Variants in PPFIA2 observed in about 807,000 individuals in gnomAD.
The protein encoded by PPFIA2 is liprin-alpha-2.
In PPFIA2, 46 loss-of-function variants were observed where a neutral mutation model predicts 175.5. The ratio of observed to expected loss-of-function variants is 0.26; its 90% CI spans 0.21 to 0.34. The LOEUF is 0.34. Among genes scored for constraint, PPFIA2 ranks in the 10% least tolerant of loss-of-function variants. The pLI is 1.00. For synonymous variants in PPFIA2, 568 were observed against 511.4 expected, an observed-to-expected ratio of 1.11 and a Z score of -1.49; for missense variants, 1,179 against 1,506.1, an observed-to-expected ratio of 0.78 and a Z score of 3.60.
chr12:81,301,131 G>A (rs563595086), intron 22 of PPFIA2, among the ~76,000 whole-genome samples: 5 of 152,074 alleles, frequency 3.3e-5, no homozygotes, highest in African/African-American at 1.2e-4. Context: ...GGCTTCGAAG[G>A]GCAGGTAGGA....
chr12:81,637,311 T>A (rs1333603066), intron 4 of PPFIA2, among the ~76,000 whole-genome samples: 3 of 126,308 alleles, frequency 2.4e-5, no homozygotes, highest in Non-Finnish European at 1.6e-5. Context: ...TCTATGTTGG[T>A]CAGGCTGGTC....
chr12:81,625,010 G>A (rs4387433), intron 4 of PPFIA2, among the ~76,000 whole-genome samples: 79,093 of 151,436 alleles, frequency 0.52, 21,521 homozygotes, highest in Middle Eastern at 0.61. Context: ...TACATACATT[G>A]CTAAAAATGT....
intron 4 of PPFIA2, among the ~76,000 whole-genome samples, chr12:81,585,887 G>A (rs1391196214): frequency 1.3e-5 from 2 of 151,848 alleles, no homozygotes; most frequent in Non-Finnish European, 2.9e-5. Context: ...TTGCAGCATA[G>A]TAGGTTTGTT....
At chr12:81,698,121 T>C (rs2076094939) in intron 3 of PPFIA2, among the ~76,000 whole-genome samples, 1 of 152,150 alleles carries the variant, frequency 6.6e-6, no homozygotes, top group Non-Finnish European at 1.5e-5. Context: ...TGAGAATTTC[T>C]GATTCGATAG....
chr12:81,380,449 C>T (rs573782921), intron 9 of PPFIA2, among the ~76,000 whole-genome samples: 163 of 151,832 alleles, frequency 1.1e-3, no homozygotes, highest in Middle Eastern at 3.4e-3. Context: ...GACCATAACC[C>T]GGAAAAATAT....
intron 4 of PPFIA2, among the ~76,000 whole-genome samples, chr12:81,605,419 GGAGAGGA>G (rs2153460428): frequency 6.6e-6 from 1 of 151,804 alleles, no homozygotes; most frequent in Non-Finnish European, 1.5e-5. Flanking sequence ...GAGAGAAAAG[GGAGAGGA>G]GAGAGGAGGC....
At chr12:81,624,711 G>C (rs1432864833) in intron 4 of PPFIA2, among the ~76,000 whole-genome samples, 2 of 150,090 alleles carry the variant, frequency 1.3e-5, no homozygotes, top group African/African-American at 4.9e-5. Flanking sequence ...ATTATTCTAA[G>C]TGAAGTAACA....
intron 4 of PPFIA2, among the ~76,000 whole-genome samples, chr12:81,513,876 T>A (rs1594293365): frequency 6.6e-6 from 1 of 152,006 alleles, no homozygotes; most frequent in East Asian, 1.9e-4. Context: ...CTATGACATT[T>A]AAATGGCAAT....
At chr12:81,705,220 C>T (rs914349299) in intron 3 of PPFIA2, among the ~76,000 whole-genome samples, 3 of 150,252 alleles carry the variant, frequency 2.0e-5, no homozygotes, top group East Asian at 2.0e-4. Flanking sequence ...GAGGCCGAGG[C>T]GGGCAGATCA....
chr12:81,720,139 A>C (rs1246260758), intron 3 of PPFIA2, among the ~76,000 whole-genome samples: 1 of 151,480 alleles, frequency 6.6e-6, no homozygotes, highest in African/African-American at 2.4e-5. Context: ...TAATTGGTGA[A>C]GAAGCATGGC....
intron 17 of PPFIA2, among the ~76,000 whole-genome samples, chr12:81,348,504 G>C (rs775873777): frequency 8.5e-5 from 13 of 152,114 alleles, no homozygotes; most frequent in Non-Finnish European, 1.8e-4. Flanking sequence ...TTGGGAGGCC[G>C]AGATGGGTGG....
chr12:81,345,429 T>G (rs2058890827), intron 18 of PPFIA2, among the ~76,000 whole-genome samples: 1 of 152,068 alleles, frequency 6.6e-6, no homozygotes, highest in African/African-American at 2.4e-5. Flanking sequence ...ATTCCACTGA[T>G]TTATTTATTA....
chr12:81,534,924 GGAT>G (rs565022529), intron 4 of PPFIA2, among the ~76,000 whole-genome samples: 83 of 151,762 alleles, frequency 5.5e-4, no homozygotes, highest in African/African-American at 1.8e-3. Context: ...TTGGAGAAAT[GGAT>G]AATTAGGGGG....
chr12:81,369,847 G>A (rs1245794232), intron 11 of PPFIA2, among the ~76,000 whole-genome samples: 2 of 151,768 alleles, frequency 1.3e-5, no homozygotes, highest in African/African-American at 4.8e-5. Context: ...AGAATTTTAT[G>A]TGGAAAGAAC....
In PPFIA2 at chr12:81,639,173, T is replaced by A. The variant is rs202044493; in HGVS notation, c.303+37618A>T. 2.0e-5 allele frequency among the ~76,000 whole-genome samples: 3 copies of A among 152,242 alleles called. No homozygotes were observed. In the East Asian group the frequency reaches 5.8e-4, roughly 29 times the overall value. On this transcript the variant is annotated intron_variant, in intron 4 of 32. Coordinates refer to ENST00000549396, the MANE Select transcript of PPFIA2 (RefSeq NM_003625.5). ...GTAATCTTGTTCATCACTCAGTATC[T>A]CTCTCATGAAGAAACAAAATAAAAC...
In PPFIA2 at chr12:81,758,523, G is replaced by A; in HGVS notation, c.-110-16C>T. On this transcript the variant is annotated splice_polypyrimidine_tract_variant and intron_variant, in intron 1 of 32. Transcript: ENST00000549396. ...GACCATTTCCCTAGCAACGGGAGGA[G>A]AAAGGCAGCTCAGACACACGCGTGC... is the stretch of plus-strand genomic sequence containing the variant. The A allele has an allele frequency of 2.3e-6, 1 of 442,884 alleles. No homozygotes were observed. The highest frequency in any genetic ancestry group is 1.6e-5 in the South Asian group (1 of 63,070). 27.4% of individuals were successfully genotyped at this position (442,884 alleles called of 1,614,324 possible).
chr12:81,285,074 A>G (rs561453738), intron 24 of PPFIA2, among the ~76,000 whole-genome samples: 2 of 152,302 alleles, frequency 1.3e-5, no homozygotes, highest in African/African-American at 4.8e-5. Context: ...GCAATATTCT[A>G]TTATAAAGTC....
At chr12:81,456,252 G>A (rs1285699064) in intron 5 of PPFIA2, among the ~76,000 whole-genome samples, 5 of 152,082 alleles carry the variant, frequency 3.3e-5, no homozygotes. Context: ...ATATAGAGAG[G>A]AAGACAGCAA....
At chr12:81,578,813 C>A (rs1030460530) in intron 4 of PPFIA2, among the ~76,000 whole-genome samples, 3 of 151,742 alleles carry the variant, frequency 2.0e-5, no homozygotes, top group African/African-American at 7.3e-5. Context: ...TGATGCCTCT[C>A]AGGAAATATT....
Sources: allele counts gnomAD v4.1 joint callset (sites outside exome capture counted in the v4.1 genomes callset), GRCh38; gene constraint gnomAD v4.1.1; transcripts MANE v1.5; gene names NCBI Gene and HGNC (gene_info 2026-07-23, HGNC 2026-07-21).